The following GRIK2 variants were observed in gnomAD, a reference collection of about 807,000 sequenced individuals.
GRIK2 encodes glutamate receptor ionotropic, kainate 2.
In GRIK2, 32 loss-of-function variants were observed where a neutral mutation model predicts 100.3. The ratio of observed to expected loss-of-function variants is 0.32; its 90% CI spans 0.24 to 0.43. The LOEUF (loss-of-function observed/expected upper bound fraction) is 0.43, where lower values mean the gene tolerates loss of function less well. Among genes scored for constraint, GRIK2 ranks in the 20% least tolerant of loss-of-function variants. The probability of loss-of-function intolerance (pLI) is 1.00; values close to 1 mark genes in which losing one functional copy is unlikely to be tolerated. For synonymous variants in GRIK2, 417 were observed against 389.4 expected (o/e 1.07, Z -0.83); for missense variants, 843 against 1,114.9 (o/e 0.76, Z 3.47).
chr6:101,729,211 A>G (rs565986962), intron 7 of GRIK2, among the ~76,000 whole-genome samples: 1 of 152,136 alleles, frequency 6.6e-6, no homozygotes, highest in South Asian at 2.1e-4. Flanking sequence ...ATTAAAGTAA[A>G]AACCATTTAG....
In GRIK2 at chr6:101,561,623, G is replaced by A. The variant is rs139393110; in HGVS notation, c.116-60326G>A. Reference sequence around the variant, plus strand: ...TATTACATGCACTCCCAGAATGTGGGCAACTATTATATATCAATAAAAATA... The same window carrying A: ...TATTACATGCACTCCCAGAATGTGGACAACTATTATATATCAATAAAAATA... On this transcript the variant is annotated intron_variant, in intron 2 of 16. Transcript: ENST00000369134. Among the ~76,000 whole-genome samples the A allele has an allele frequency of 3.3e-5, 5 of 151,984 alleles. No individual in the cohort carries two copies. In the East Asian group the frequency reaches 7.8e-4, roughly 24 times the overall value.
chr6:101,621,246 A>G (rs965729428), intron 2 of GRIK2, among the ~76,000 whole-genome samples: 3 of 152,144 alleles, frequency 2.0e-5, no homozygotes, highest in Non-Finnish European at 4.4e-5. Flanking sequence ...TGAGCCCAGG[A>G]GTTTGAGACT....
chr6:101,733,708 CTTTTTTTTTTTT>C (rs34438783), intron 7 of GRIK2, among the ~76,000 whole-genome samples: 4 of 83,938 alleles, frequency 4.8e-5, no homozygotes, highest in South Asian at 4.0e-4. Context: ...ATTCCTCTTT[CTTTTTTTTTTTT>C]TTTTTTTTTT....
intron 4 of GRIK2, among the ~76,000 whole-genome samples, chr6:101,632,679 A>T (rs1456909145): frequency 1.3e-5 from 2 of 152,112 alleles, no homozygotes; most frequent in Non-Finnish European, 2.9e-5. Flanking sequence ...TATTTGAGCA[A>T]TTATTAAATT....
intron 7 of GRIK2, among the ~76,000 whole-genome samples, chr6:101,708,978 T>C (rs1163084371): frequency 6.6e-6 from 1 of 151,846 alleles, no homozygotes; most frequent in Non-Finnish European, 1.5e-5. Flanking sequence ...GTATATATTA[T>C]TACATTACTT....
At chr6:101,715,001 T>C (rs887811473) in intron 7 of GRIK2, among the ~76,000 whole-genome samples, 1 of 151,666 alleles carries the variant, frequency 6.6e-6, no homozygotes, top group Non-Finnish European at 1.5e-5. Context: ...TTAACTCTAA[T>C]ATTATTTCAT....
intron 14 of GRIK2, among the ~76,000 whole-genome samples, chr6:102,031,258 C>CA (rs1159996862): frequency 6.6e-6 from 1 of 150,932 alleles, no homozygotes; most frequent in Non-Finnish European, 1.5e-5. Flanking sequence ...GTGATCTCTT[C>CA]AAAATGCAAA....
rs539969636 is a variant in GRIK2 at position 101,497,862 on chromosome 6, TTTA to T, written c.115+98490_115+98492del. ...AAGCATTCACTGTTTTACAACCTTA[TTTA>T]TTATTATTATTATTATTATACTTTA... On this transcript the variant is annotated intron_variant, in intron 2 of 16. Coordinates refer to ENST00000369134, the MANE Select transcript of GRIK2 (RefSeq NM_021956.5). 4.1e-3 allele frequency among the ~76,000 whole-genome samples: 535 copies of T among 130,132 alleles called. 2 individuals are homozygous for T. The highest frequency in any genetic ancestry group is 0.013 in the African/African-American group (488 of 38,698). The allele number at this position is 130,132 out of a possible 152,430, so 85.4% of individuals were successfully genotyped here.
At chr6:101,664,537 C>T (rs947976073) in intron 4 of GRIK2, among the ~76,000 whole-genome samples, 9 of 152,200 alleles carry the variant, frequency 5.9e-5, no homozygotes, top group African/African-American at 1.9e-4. Context: ...TGAGCTTAGA[C>T]CCTAAAGTGT....
intron 6 of GRIK2, among the ~76,000 whole-genome samples, chr6:101,685,247 A>C (rs1172176405): frequency 6.6e-6 from 1 of 152,260 alleles, no homozygotes; most frequent in Admixed American, 6.5e-5. Flanking sequence ...AAAAATAAAA[A>C]CCTAAAGATT....
chr6:101,434,345 T>C (rs1769597112), intron 2 of GRIK2, among the ~76,000 whole-genome samples: 1 of 152,182 alleles, frequency 6.6e-6, no homozygotes, highest in African/African-American at 2.4e-5. Context: ...CTCTCTCTTC[T>C]CAGGCAAACT....
intron 14 of GRIK2, among the ~76,000 whole-genome samples, chr6:101,938,804 G>T (rs1409359614): frequency 6.6e-6 from 1 of 152,004 alleles, no homozygotes; most frequent in African/African-American, 2.4e-5. Flanking sequence ...TCTATACCCA[G>T]TTTCCATCTT....
chr6:101,930,740 CT>C (rs1229760139), intron 14 of GRIK2, among the ~76,000 whole-genome samples: 2 of 151,794 alleles, frequency 1.3e-5, no homozygotes, highest in African/African-American at 2.4e-5. Context: ...TTCTTTCGTT[CT>C]TTTTTTAATA....
chr6:101,906,133 C>G (rs372959954), intron 12 of GRIK2, among the ~76,000 whole-genome samples: 4 of 151,596 alleles, frequency 2.6e-5, no homozygotes, highest in Non-Finnish European at 4.4e-5. Flanking sequence ...TGTTCTACTT[C>G]TTTTGGAATA....
chr6:101,863,655 G>A (rs565618139), intron 11 of GRIK2, among the ~76,000 whole-genome samples: 2 of 152,276 alleles, frequency 1.3e-5, no homozygotes, highest in African/African-American at 4.8e-5. Context: ...TAAAATGTGT[G>A]AGGGAATACT....
intron 7 of GRIK2, among the ~76,000 whole-genome samples, chr6:101,766,967 A>C (rs1226489692): frequency 6.6e-6 from 1 of 152,144 alleles, no homozygotes; most frequent in Non-Finnish European, 1.5e-5. Flanking sequence ...CTTTAGACTG[A>C]TGTGGCTTTT....
intron 15 of GRIK2, among the ~76,000 whole-genome samples, chr6:102,048,721 G>A (rs1771025910): frequency 6.6e-6 from 1 of 152,004 alleles, no homozygotes; most frequent in South Asian, 2.1e-4. Context: ...CAAGCTAGAA[G>A]AAATGTAATA....
intron 10 of GRIK2, among the ~76,000 whole-genome samples, chr6:101,837,372 T>C (rs1783195648): frequency 6.6e-6 from 1 of 152,162 alleles, no homozygotes; most frequent in African/African-American, 2.4e-5. Context: ...TTGAAACCTG[T>C]TGAGAGATTA....
chr6:102,028,930 T>A (rs1769845351), intron 14 of GRIK2, among the ~76,000 whole-genome samples: 1 of 151,278 alleles, frequency 6.6e-6, no homozygotes, highest in African/African-American at 2.4e-5. Context: ...GTGAGCTCTT[T>A]ATGATCCTCT....
Sources: gnomAD v4.1 joint callset for allele counts (sites outside exome capture counted in the v4.1 genomes callset) on GRCh38, gnomAD v4.1.1 for gene constraint, MANE v1.5 for transcripts, NCBI Gene and HGNC (gene_info 2026-07-23, HGNC 2026-07-21) for gene names.